The following SCD variants were observed in gnomAD, a reference collection of about 807,000 sequenced individuals.
SCD encodes the protein acyl-CoA desaturase.
Under a neutral mutation model 35.7 loss-of-function variants are expected in SCD, and 4 were observed. That is an observed-to-expected ratio of 0.11 (90% CI 0.06 to 0.26). The LOEUF is 0.26. Ranked by LOEUF, SCD falls within the 10% of genes least tolerant of loss-of-function variation. The probability of loss-of-function intolerance (pLI) is 1.00; values close to 1 mark genes in which losing one functional copy is unlikely to be tolerated. For synonymous variants in SCD, 150 were observed against 170.2 expected, an observed-to-expected ratio of 0.88 and a Z score of 0.92; for missense variants, 282 against 460.7, an observed-to-expected ratio of 0.61 and a Z score of 3.55.
intron 2 of SCD, 81 bp downstream of exon 2, chr10:100,348,427 A>G (rs1339320288): frequency 7.2e-7 from 1 of 1,385,360 alleles, no homozygotes; most frequent in Non-Finnish European, 9.9e-7. Flanking sequence ...TACAGAGGAC[A>G]CCAGCCCCTC....
intron 2 of SCD, among the ~76,000 whole-genome samples, chr10:100,349,561 G>GAAAAA (rs1168338138): frequency 1.3e-5 from 2 of 152,214 alleles, no homozygotes; most frequent in African/African-American, 4.8e-5. Context: ...TTTGTTTCCA[G>GAAAAA]AAATCCTCCA....
Position 100,348,206 on chromosome 10 carries a change from C to A in SCD, c.170C>A (p.Pro57His), listed in dbSNP as rs757998949. ...GATATAAAAGATGATATATATGACC[C>A]CACCTACAAGGATAAGGAAGGCCCA... is the stretch of plus-strand genomic sequence containing the variant. Reference protein sequence around the residue: ...RPDIKDDIYDPTYKDKEGPSP... With the variant: ...RPDIKDDIYDHTYKDKEGPSP... The change falls in exon 2 of 6, where the codon CCC becomes CAC. Residue 57 changes from proline to histidine, a missense_variant. Physicochemically the swap from Pro to His is moderately conservative, Grantham distance 77. Transcript: ENST00000370355. 1 of 1,614,072 alleles carries A rather than the reference C, an allele frequency of 6.2e-7. No individual in the cohort carries two copies. Among genetic ancestry groups the A allele is most frequent in the Non-Finnish European group, 8.5e-7 (1 of 1,180,010 alleles).
Position 100,352,509 on chromosome 10 carries a change from C to T in SCD, c.441+13C>T, listed in dbSNP as rs1319911056. ...AATGGCATTCCAGGTAAGAAGTTGT[C>T]TCTGCTCAGCTGTTTGTCCTCCACA... is the stretch of plus-strand genomic sequence containing the variant. On this transcript the variant is annotated intron_variant, in intron 3 of 5. Coordinates refer to ENST00000370355, the MANE Select transcript of SCD (RefSeq NM_005063.5). This position sits in a 1 kb window ranked among gnomAD's most constrained non-coding sequence, Gnocchi z 4.2. 6.2e-7 allele frequency: 1 copy of T among 1,612,428 alleles called. No homozygotes were observed. The highest frequency in any genetic ancestry group is 8.5e-7 in the Non-Finnish European group (1 of 1,179,748).
In SCD at chr10:100,347,394, C is replaced by T. The variant is rs1003819634; in HGVS notation, c.-111C>T. On this transcript the variant is annotated 5_prime_UTR_variant, in exon 1 of 6. Coordinates refer to ENST00000370355, the MANE Select transcript of SCD (RefSeq NM_005063.5). ...GACAACCAGCTAGCGTGCAAGGCGC[C>T]GCGGCTCAGCGCGTACCGGCGGGCT... is the stretch of plus-strand genomic sequence containing the variant. The T allele has an allele frequency of 2.4e-5, 29 of 1,229,534 alleles. No individual in the cohort carries two copies. Among genetic ancestry groups the T allele is most frequent in the Non-Finnish European group, 3.3e-5 (28 of 848,386 alleles). The allele number at this position is 1,229,534 out of a possible 1,614,324, so 76.2% of individuals were successfully genotyped here.
chr10:100,351,427 G>A (rs1849871605), intron 2 of SCD, among the ~76,000 whole-genome samples: 1 of 152,142 alleles, frequency 6.6e-6, no homozygotes. Context: ...GGAGGTGGAT[G>A]GTATAGCTGG....
Position 100,361,131 on chromosome 10 carries a change from TCTC to T in SCD, c.*199_*201del. ...ATGATGCTAAGCTGATATTATTTCT[TCTC>T]TTATCCTCTCTCTCTTCTAGGCCCA... On this transcript the variant is annotated 3_prime_UTR_variant, in exon 6 of 6. Transcript: ENST00000370355. 1 of 580,814 alleles carries T rather than the reference TCTC, an allele frequency of 1.7e-6. No homozygotes were observed. The highest frequency in any genetic ancestry group is 2.9e-5 in the East Asian group (1 of 34,496). 36.0% of individuals were successfully genotyped at this position (580,814 alleles called of 1,614,324 possible).
Position 100,352,337 on chromosome 10 carries a change from G to T in SCD, c.311-29G>T, listed in dbSNP as rs1849880960. The T allele has an allele frequency of 6.2e-7, 1 of 1,608,694 alleles. No homozygotes were observed. Among genetic ancestry groups the T allele is most frequent in the Non-Finnish European group, 8.5e-7 (1 of 1,177,692 alleles). On this transcript the variant is annotated intron_variant, in intron 2 of 5. Coordinates refer to ENST00000370355, the MANE Select transcript of SCD (RefSeq NM_005063.5). This position sits in a 1 kb window ranked among gnomAD's most constrained non-coding sequence, Gnocchi z 4.2. ...TCCCAGATGGAACTCACACTGATTG[G>T]TGACTCCCCCACTGTCTTCTCCTGG...
Position 100,363,511 on chromosome 10 carries a change from T to C in SCD, c.*2578T>C, listed in dbSNP as rs1850010454. The stretch of plus-strand genomic sequence containing the variant: ...ACTGTAGTTTAGTTCTGTTGACCTG[T>C]GCACCTACCCCTTGGAAATGTCTGC... On this transcript the variant is annotated 3_prime_UTR_variant, in exon 6 of 6. Coordinates refer to ENST00000370355, the MANE Select transcript of SCD (RefSeq NM_005063.5). 6.6e-6 allele frequency: 1 copy of C among 152,258 alleles called. No individual in the cohort carries two copies. Among genetic ancestry groups the C allele is most frequent in the South Asian group, 2.1e-4 (1 of 4,832 alleles). 9.4% of individuals were successfully genotyped at this position (152,258 alleles called of 1,614,324 possible).
Position 100,356,800 on chromosome 10 carries a change from G to C in SCD, c.880+36G>C, listed in dbSNP as rs766491472. The C allele has an allele frequency of 6.5e-7, 1 of 1,545,204 alleles. No individual in the cohort carries two copies. The highest frequency in any genetic ancestry group is 2.3e-5 in the East Asian group (1 of 44,400). ...TGTCCAAGTAAGACTACATCCAGTG[G>C]TCTGCTGATTAGGGGATTAGGCTAG... On this transcript the variant is annotated intron_variant, in intron 5 of 5. Coordinates refer to ENST00000370355, the MANE Select transcript of SCD (RefSeq NM_005063.5). This position sits in a 1 kb window ranked among gnomAD's most constrained non-coding sequence, Gnocchi z 4.1.
At chr10:100,349,268 G>T (rs569737243) in intron 2 of SCD, among the ~76,000 whole-genome samples, 1 of 152,222 alleles carries the variant, frequency 6.6e-6, no homozygotes, top group Non-Finnish European at 1.5e-5. Flanking sequence ...TGGCCTGATG[G>T]CATGGCCCTG....
chr10:100,347,591 G>A (rs1297734601), intron 1 of SCD, 60 bp downstream of exon 1: 3 of 1,603,634 alleles, frequency 1.9e-6, no homozygotes, highest in Admixed American at 3.4e-5. Flanking sequence ...GGCTTCCAGG[G>A]GACGGGTTGG....
At position 100,347,519 on chromosome 10, in the gene SCD, G is replaced by A. The variant is rs749011641; in HGVS notation, c.15G>A (p.Leu5=). The change falls in exon 1 of 6, where the codon TTG becomes TTA. Residue 5 remains leucine, a synonymous_variant. Coordinates refer to ENST00000370355, the MANE Select transcript of SCD (RefSeq NM_005063.5). ...CGAGAGCCAAGATGCCGGCCCACTT[G>A]CTGCAGGACGATGTGAGTTTCCCAG... The part of the protein sequence containing the change: MPAH[L]LQDDISSSYT... The A allele has an allele frequency of 6.2e-7, 1 of 1,613,894 alleles. No individual in the cohort carries two copies. Among genetic ancestry groups the A allele is most frequent in the African/African-American group, 1.3e-5 (1 of 74,936 alleles).
chr10:100,354,137 ACT>A (rs887138245), intron 3 of SCD, among the ~76,000 whole-genome samples: 3 of 151,906 alleles, frequency 2.0e-5, no homozygotes, highest in African/African-American at 7.3e-5. Context: ...ACTTCTTGAA[ACT>A]CTCTGAGCTC....
At position 100,352,474 on chromosome 10, in the gene SCD, T is replaced by G; in HGVS notation, c.419T>G (p.Ile140Ser). The change falls in exon 3 of 6, where the codon ATT (isoleucine) becomes AGT (serine). Residue 140 changes from isoleucine to serine, a missense_variant. Ile to Ser is a moderately radical substitution (Grantham distance 142). Coordinates refer to ENST00000370355, the MANE Select transcript of SCD (RefSeq NM_005063.5). This position sits in a 1 kb window ranked among gnomAD's most constrained non-coding sequence, Gnocchi z 4.2. ...CTGCCCCTACGGCTCTTTCTGATCA[T>G]TGCCAACACAATGGCATTCCAGGTA... Reference protein sequence around the residue: ...ARLPLRLFLIIANTMAFQNDV... With the variant: ...ARLPLRLFLISANTMAFQNDV... 1 of 1,614,030 alleles carries G rather than the reference T, an allele frequency of 6.2e-7. No homozygotes were observed. Among genetic ancestry groups the G allele is most frequent in the Non-Finnish European group, 8.5e-7 (1 of 1,180,002 alleles).
At position 100,360,973 on chromosome 10, in the gene SCD, G is replaced by A; in HGVS notation, c.*40G>A. ...AGGTTCCTTTTTCAAAAACCAGCCA[G>A]GCAGAGGTTTTAATGTCTGTTTATT... On this transcript the variant is annotated 3_prime_UTR_variant, in exon 6 of 6. Transcript: ENST00000370355. 6.4e-7 allele frequency: 1 copy of A among 1,565,370 alleles called. No homozygotes were observed. Among genetic ancestry groups the A allele is most frequent in the Non-Finnish European group, 8.8e-7 (1 of 1,138,558 alleles).
At chr10:100,359,013 A>G (rs1459299592) in intron 5 of SCD, among the ~76,000 whole-genome samples, 1 of 152,146 alleles carries the variant, frequency 6.6e-6, no homozygotes, top group Non-Finnish European at 1.5e-5. Flanking sequence ...CATTGTGCCT[A>G]TTCTTACTTT....
At position 100,347,255 on chromosome 10, in the gene SCD, CCT is replaced by C. The variant is rs1849804857; in HGVS notation, c.-249_-248del. On this transcript the variant is annotated 5_prime_UTR_variant, in exon 1 of 6. Transcript: ENST00000370355. ...GCCAGTCAACTCCTCGCACTTTGCCCCTGCTTGGCAGCGGATAAAAGGGGGCT... is the reference window on the plus strand; with the variant it reads ...GCCAGTCAACTCCTCGCACTTTGCCCGCTTGGCAGCGGATAAAAGGGGGCT... 3.6e-6 allele frequency: 2 copies of C among 563,074 alleles called. No homozygotes were observed. Among genetic ancestry groups the C allele is most frequent in the Non-Finnish European group, 6.3e-6 (2 of 316,962 alleles). The allele number at this position is 563,074 out of a possible 1,614,324, so 34.9% of individuals were successfully genotyped here. A position where few individuals can be genotyped will look rare whatever the true frequency, so the allele number is the denominator to read the frequency against.
chr10:100,348,093 C>T lies in SCD; in HGVS notation c.57C>T (p.Thr19=). The stretch of plus-strand genomic sequence containing the variant: ...CTAGCTCCTATACCACCACCACCAC[C>T]ATTACAGCGCCTCCCTCCAGGGTCC... ...DISSSYTTTT[T]ITAPPSRVLQ... The change falls in exon 2 of 6, where the codon ACC becomes ACT. Residue 19 remains threonine (T), a synonymous_variant. Coordinates refer to ENST00000370355, the MANE Select transcript of SCD (RefSeq NM_005063.5). 1 of 1,613,780 alleles carries T rather than the reference C, an allele frequency of 6.2e-7. No homozygotes were observed. The highest frequency in any genetic ancestry group is 1.7e-5 in the Admixed American group (1 of 59,990).
At chr10:100,350,248 G>A (rs1849856440) in intron 2 of SCD, among the ~76,000 whole-genome samples, 1 of 151,818 alleles carries the variant, frequency 6.6e-6, no homozygotes, top group Non-Finnish European at 1.5e-5. Flanking sequence ...GAAACAAGGA[G>A]GGTGAGGGGA....
Sources: gnomAD v4.1 joint callset for allele counts (sites outside exome capture counted in the v4.1 genomes callset) on GRCh38, gnomAD v4.1.1 for gene constraint, Gnocchi (gnomAD v3.1) non-coding constraint, MANE v1.5 for transcripts, NCBI Gene and HGNC (gene_info 2026-07-23, HGNC 2026-07-21) for gene names.